NUP58: variants seen among roughly 807,000 people sequenced by gnomAD.
The protein encoded by NUP58 is nucleoporin p58/p45.
Under a neutral mutation model 70.1 loss-of-function variants are expected in NUP58, and 17 were observed. The observed-to-expected ratio is 0.24, with a 90% CI of 0.17 to 0.36. The LOEUF is 0.36. NUP58 is among the 10% of genes least tolerant of loss of function. The probability of loss-of-function intolerance (pLI) is 1.00; values close to 1 mark genes in which losing one functional copy is unlikely to be tolerated. For synonymous variants in NUP58, 275 were observed against 257.6 expected (o/e 1.07, Z -0.65); for missense variants, 644 against 701.5 (o/e 0.92, Z 0.93).
intron 12 of NUP58, among the ~76,000 whole-genome samples, chr13:25,329,754 C>T (rs2031536836): frequency 6.6e-6 from 1 of 152,158 alleles, no homozygotes; most frequent in South Asian, 2.1e-4. Flanking sequence ...AACATTAACA[C>T]ATTTGGAAGT....
chr13:25,346,954 C>T (rs1209440969), downstream of NUP58, among the ~76,000 whole-genome samples: 3 of 152,082 alleles, frequency 2.0e-5, no homozygotes, highest in Admixed American at 2.0e-4. Context: ...GTTTGTATCC[C>T]TTATCTCAAA....
chr13:25,328,658 A>C (rs1366227992), intron 12 of NUP58, among the ~76,000 whole-genome samples: 3 of 152,104 alleles, frequency 2.0e-5, no homozygotes, highest in Non-Finnish European at 4.4e-5. Flanking sequence ...CGGCCTCCCA[A>C]AGTGCTAGGA....
chr13:25,306,294 A>T (rs1160637959), intron 1 of NUP58, among the ~76,000 whole-genome samples: 2 of 149,890 alleles, frequency 1.3e-5, no homozygotes, highest in Admixed American at 6.8e-5. Flanking sequence ...AGTCTGAGCT[A>T]CTCCGGAGGC....
chr13:25,310,582 T>C (rs2030617127), intron 3 of NUP58, among the ~76,000 whole-genome samples: 1 of 137,168 alleles, frequency 7.3e-6, no homozygotes, highest in Non-Finnish European at 1.5e-5. Context: ...AGGCTGGTCA[T>C]GGACTCCTAG....
intron 13 of NUP58, chr13:25,332,929 C>T: frequency 1.0e-6 from 1 of 985,328 alleles, no homozygotes; most frequent in Non-Finnish European, 1.2e-6. Context: ...AACCATAGTA[C>T]TAGTTTACTT....
chr13:25,342,963 G>T (rs1330641558), downstream of NUP58, among the ~76,000 whole-genome samples: 1 of 152,050 alleles, frequency 6.6e-6, no homozygotes, highest in Non-Finnish European at 1.5e-5. Flanking sequence ...CATAGAATGG[G>T]TGTACAATGA....
intron 3 of NUP58, 106 bp from the exon 4 acceptor site, chr13:25,312,777 A>C: frequency 3.9e-6 from 4 of 1,022,612 alleles, no homozygotes; most frequent in Non-Finnish European, 5.6e-6. Context: ...GGCAAAAGGT[A>C]GTATCATGAA....
At chr13:25,329,805 TTTTG>T (rs1304715137) in intron 12 of NUP58, among the ~76,000 whole-genome samples, 4 of 152,144 alleles carry the variant, frequency 2.6e-5, no homozygotes, top group East Asian at 1.9e-4. Flanking sequence ...ATGTCAAGGT[TTTTG>T]TTTGTTTGTT....
Position 25,340,156 on chromosome 13 carries a change from G to T in NUP58, c.*22G>T. ...ATAAACATGGGTTGATGTGTTGAGA[G>T]AATCCATAGCAGCACCGTTCATTCT... On this transcript the variant is annotated 3_prime_UTR_variant, in exon 16 of 16. Coordinates refer to ENST00000381736, the MANE Select transcript of NUP58 (RefSeq NM_014089.4). The T allele has an allele frequency of 6.3e-7, 1 of 1,598,408 alleles. No homozygotes were observed. Among genetic ancestry groups the T allele is most frequent in the South Asian group, 1.1e-5 (1 of 88,558 alleles).
chr13:25,310,712 C>T lies in NUP58; in HGVS notation c.286+1430C>T, dbSNP rs115655318. ...CCATACGTGATTTCAAAGCACTGCA[C>T]TCTGGCAGGAACTTCTAGTTGTGAT... On this transcript the variant is annotated intron_variant, in intron 3 of 15. Transcript: ENST00000381736. Among the ~76,000 whole-genome samples, 666 of 152,192 alleles carry T rather than the reference C, an allele frequency of 4.4e-3. 3 individuals carry two copies. Among genetic ancestry groups the T allele is most frequent in the African/African-American group, 0.015 (624 of 41,516 alleles).
chr13:25,327,844 C>T (rs773219540), intron 12 of NUP58, among the ~76,000 whole-genome samples: 2 of 151,952 alleles, frequency 1.3e-5, no homozygotes, highest in South Asian at 2.1e-4. Flanking sequence ...TTGTTTAACC[C>T]ATTTTCTGTT....
chr13:25,315,251 G>A, intron 5 of NUP58, 106 bp from the exon 6 acceptor site: 1 of 808,446 alleles, frequency 1.2e-6, no homozygotes, highest in Non-Finnish European at 2.0e-6. Flanking sequence ...AATCAAATAT[G>A]AAGAAAATCT....
intron 15 of NUP58, 30 bp downstream of exon 15, chr13:25,338,761 A>G: frequency 1.3e-6 from 2 of 1,543,026 alleles, no homozygotes; most frequent in Non-Finnish European, 1.8e-6. Flanking sequence ...GATTTCAGGC[A>G]AATTTAAAGG....
intron 13 of NUP58, chr13:25,332,278 G>A (rs1263835165): frequency 1.0e-6 from 1 of 985,336 alleles, no homozygotes; most frequent in African/African-American, 1.7e-5. Context: ...TCTTGGTTTA[G>A]TTACACTTCT....
chr13:25,336,295 CTG>C (rs772833230), intron 13 of NUP58: 5 of 1,309,720 alleles, frequency 3.8e-6, no homozygotes, highest in Non-Finnish European at 5.2e-6. Context: ...TGTCATGTTA[CTG>C]TGTAATTGAT....
In NUP58 at chr13:25,321,177, G is replaced by A. The variant is rs936893932; in HGVS notation, c.951+84G>A. Reference sequence around the variant, plus strand: ...GGAAATAAGGTGTTTTGTTTTGTTTGTTTTTAATTATGAAATTTGATACAT... The same window carrying A: ...GGAAATAAGGTGTTTTGTTTTGTTTATTTTTAATTATGAAATTTGATACAT... On this transcript the variant is annotated intron_variant, in intron 9 of 15. Coordinates refer to ENST00000381736, the MANE Select transcript of NUP58 (RefSeq NM_014089.4). The A allele has an allele frequency of 1.7e-5, 21 of 1,220,188 alleles. No homozygotes were observed. The Admixed American group carries it at 5.4e-4, about 31-fold the overall frequency. The allele number at this position is 1,220,188 out of a possible 1,614,324, so 75.6% of individuals were successfully genotyped here. A position where few individuals can be genotyped will look rare whatever the true frequency, so the allele number is the denominator to read the frequency against.
rs202206218 is a variant in NUP58 at position 25,347,885 on chromosome 13, CCTT to C, written n.322-1674_322-1672del. On this transcript the variant is annotated intron_variant and non_coding_transcript_variant, in intron 3 of 3. Coordinates refer to the NUP58 transcript ENST00000477876. ...AACAATAATGTGCTGAGCATTTACT[CCTT>C]CTGGTGTCGAGAATTTCTACTCCTC... Among the ~76,000 whole-genome samples the C allele has an allele frequency of 9.2e-3, 1,407 of 152,148 alleles. 17 individuals carry two copies. Among genetic ancestry groups the C allele is most frequent in the Middle Eastern group, 0.034 (10 of 294 alleles).
chr13:25,304,540 C>T (rs1264203635), intron 1 of NUP58, among the ~76,000 whole-genome samples: 1 of 117,214 alleles, frequency 8.5e-6, no homozygotes, highest in Non-Finnish European at 1.7e-5. Context: ...TTTTTTAAGA[C>T]AGTCTCACTC....
intron 15 of NUP58, among the ~76,000 whole-genome samples, chr13:25,339,240 G>A (rs147965586): frequency 5.3e-5 from 8 of 151,994 alleles, no homozygotes; most frequent in Non-Finnish European, 7.4e-5. Flanking sequence ...ATCTACTTTT[G>A]CATTTATATT....
Sources: allele counts gnomAD v4.1 joint callset (sites outside exome capture counted in the v4.1 genomes callset), GRCh38; gene constraint gnomAD v4.1.1; transcripts MANE v1.5; gene names NCBI Gene and HGNC (gene_info 2026-07-23, HGNC 2026-07-21).